ZNF721: variants seen among roughly 807,000 people sequenced by gnomAD.
The protein encoded by ZNF721 is zinc finger protein 721.
In ZNF721, 2 loss-of-function variants were observed where a neutral mutation model predicts 2.4. That is an observed-to-expected ratio of 0.82 (90% confidence interval 0.34 to 2.58). The LOEUF (loss-of-function observed/expected upper bound fraction) is 2.58. Among genes scored for constraint, ZNF721 ranks in the 30% most tolerant of loss-of-function variants. The probability of loss-of-function intolerance (pLI) is 0.11; values close to 1 mark genes in which losing one functional copy is unlikely to be tolerated. For missense variants in ZNF721, 1,187 were observed against 1,085.5 expected, an observed-to-expected ratio of 1.09 and a Z score of -1.31; for synonymous variants, 398 against 381.8, an observed-to-expected ratio of 1.04 and a Z score of -0.50.
chr4:445,497 C>T (rs1302957296), intron 2 of ZNF721, among the ~76,000 whole-genome samples: 2 of 151,944 alleles, frequency 1.3e-5, no homozygotes, highest in Non-Finnish European at 2.9e-5. Flanking sequence ...GCAAATATTA[C>T]AATGTATACA....
chr4:474,193 G>T, intron 1 of ZNF721: 1 of 442,248 alleles, frequency 2.3e-6, no homozygotes, highest in Non-Finnish European at 4.2e-6. Flanking sequence ...CTCAGACTGC[G>T]CGCCTGATTG....
At chr4:480,834 G>GGT in intron 1 of ZNF721, among the ~76,000 whole-genome samples, 1 of 134,344 alleles carries the variant, frequency 7.4e-6, no homozygotes, top group African/African-American at 2.8e-5. Flanking sequence ...GGGGGGGGGG[G>GGT]GAATGCTGTT....
chr4:493,682 C>T (rs1483462019), intron 1 of ZNF721, among the ~76,000 whole-genome samples: 12 of 43,690 alleles, frequency 2.7e-4, no homozygotes, highest in Admixed American at 1.3e-3. Context: ...CCATCCCCCC[C>T]GCAAAAAAAA....
rs1466395249 is a variant in ZNF721, at chr4:477,283, C to CA, written c.-93-4583dup. 7.4e-4 allele frequency among the ~76,000 whole-genome samples: 80 copies of CA among 108,704 alleles called. 1 individual carries two copies. The Middle Eastern group carries it at 0.053, about 72-fold the overall frequency. The allele number at this position is 108,704 out of a possible 152,430, so 71.3% of individuals were successfully genotyped here. A position where few individuals can be genotyped will look rare whatever the true frequency, so the allele number is the denominator to read the frequency against. ...TTTTTTTTTTTTTTTTTTTTGGAGA[C>CA]AGAGTCTCGTCTCACTCTGTATGGG... On this transcript the variant is annotated intron_variant, in intron 1 of 2. Transcript: ENST00000511833.
chr4:461,660 G>A (rs1021039294), intron 2 of ZNF721, among the ~76,000 whole-genome samples: 3 of 152,052 alleles, frequency 2.0e-5, no homozygotes, highest in Non-Finnish European at 2.9e-5. Flanking sequence ...ATCACTTGAG[G>A]TCAGGAGTTC....
At chr4:472,192 G>T (rs951466419) in intron 2 of ZNF721, among the ~76,000 whole-genome samples, 2 of 152,196 alleles carry the variant, frequency 1.3e-5, no homozygotes, top group Admixed American at 1.3e-4. Context: ...CTCCCAAGTA[G>T]CTGGATTACA....
intron 2 of ZNF721, among the ~76,000 whole-genome samples, chr4:464,223 C>G (rs1553866455): frequency 6.6e-6 from 1 of 152,160 alleles, no homozygotes; most frequent in Admixed American, 6.5e-5. Context: ...GTAATCCCAG[C>G]ACTTTGGGAG....
At chr4:458,872 T>C (rs1553865706) in intron 2 of ZNF721, among the ~76,000 whole-genome samples, 1 of 150,792 alleles carries the variant, frequency 6.6e-6, no homozygotes, top group Non-Finnish European at 1.5e-5. Flanking sequence ...ATCTAAAAAA[T>C]GCCTAACAGA....
At chr4:460,763 G>A (rs892467468) in intron 2 of ZNF721, among the ~76,000 whole-genome samples, 4 of 151,784 alleles carry the variant, frequency 2.6e-5, no homozygotes, top group African/African-American at 9.7e-5. Flanking sequence ...ATGATAAAGG[G>A]GATATCAACA....
chr4:488,853 A>T (rs1715958226), intron 1 of ZNF721, among the ~76,000 whole-genome samples: 1 of 152,072 alleles, frequency 6.6e-6, no homozygotes, highest in African/African-American at 2.4e-5. Flanking sequence ...TAAATAAAAT[A>T]AAATAAAAGG....
At chr4:490,323 A>G (rs1190455087) in intron 1 of ZNF721, among the ~76,000 whole-genome samples, 1 of 151,886 alleles carries the variant, frequency 6.6e-6, no homozygotes, top group East Asian at 2.0e-4. Context: ...AAAAATACAA[A>G]CAATTAGCCA....
At chr4:488,532 T>C (rs1446074673) in intron 1 of ZNF721, among the ~76,000 whole-genome samples, 1 of 152,156 alleles carries the variant, frequency 6.6e-6, no homozygotes, top group African/African-American at 2.4e-5. Context: ...TACTGTATGA[T>C]ATTTAAAAGA....
At chr4:464,942 A>C (rs1553866545) in intron 2 of ZNF721, among the ~76,000 whole-genome samples, 1 of 151,580 alleles carries the variant, frequency 6.6e-6, no homozygotes, top group Non-Finnish European at 1.5e-5. Context: ...AAAATTGGCC[A>C]GGTGTGGTGG....
chr4:470,394 C>A (rs557636375), intron 2 of ZNF721, among the ~76,000 whole-genome samples: 1 of 152,140 alleles, frequency 6.6e-6, no homozygotes, highest in African/African-American at 2.4e-5. Context: ...TTCTTCACAG[C>A]AAAGAGAAAC....
At chr4:450,684 T>C (rs1410886748) in intron 2 of ZNF721, among the ~76,000 whole-genome samples, 3 of 151,238 alleles carry the variant, frequency 2.0e-5, no homozygotes, top group Admixed American at 1.3e-4. Context: ...ATGCCTGTAA[T>C]CCCAGCACTT....
intron 2 of ZNF721, among the ~76,000 whole-genome samples, chr4:457,112 G>A (rs1714872485): frequency 1.3e-5 from 2 of 152,076 alleles, no homozygotes; most frequent in Admixed American, 1.3e-4. Flanking sequence ...ATTAAAAAAT[G>A]CTCTAATAAG....
chr4:481,780 T>G (rs190778087), intron 1 of ZNF721, among the ~76,000 whole-genome samples: 7 of 152,300 alleles, frequency 4.6e-5, no homozygotes, highest in African/African-American at 1.4e-4. Flanking sequence ...GAACACAGCG[T>G]CCACCTTTGG....
At chr4:485,746 C>T (rs1201164983) in intron 1 of ZNF721, among the ~76,000 whole-genome samples, 8 of 152,088 alleles carry the variant, frequency 5.3e-5, no homozygotes, top group Non-Finnish European at 8.8e-5. Flanking sequence ...GAGGCCGAGG[C>T]GGGCGGATCA....
At chr4:472,977 C>T (rs1020857928) in intron 1 of ZNF721, among the ~76,000 whole-genome samples, 1 of 152,044 alleles carries the variant, frequency 6.6e-6, no homozygotes, top group African/African-American at 2.4e-5. Flanking sequence ...AGGTTGAACT[C>T]ACCTCTCATG....
Sources: allele counts gnomAD v4.1 joint callset (sites outside exome capture counted in the v4.1 genomes callset), GRCh38; gene constraint gnomAD v4.1.1; transcripts MANE v1.5; gene names NCBI Gene and HGNC (gene_info 2026-07-23, HGNC 2026-07-21).